Variants in PHF2 observed in about 807,000 individuals in gnomAD.
PHF2 encodes PHD finger protein 2, also known as lysine-specific demethylase PHF2.
In PHF2, 27 loss-of-function variants were observed where a neutral mutation model predicts 120.5. The observed-to-expected ratio is 0.22, with a 90% confidence interval of 0.17 to 0.31. The LOEUF is 0.31. Among genes scored for constraint, PHF2 ranks in the 10% least tolerant of loss-of-function variants. The pLI is 1.00. For missense variants in PHF2, 1,024 were observed against 1,434.8 expected (o/e 0.71, Z 4.63); for synonymous variants, 568 against 592.5 (o/e 0.96, Z 0.60).
chr9:93,675,690 C>T lies in PHF2; in HGVS notation c.2733C>T (p.Gly911=), dbSNP rs778992506. The T allele has an allele frequency of 1.2e-6, 2 of 1,611,600 alleles. No individual in the cohort carries two copies. Among genetic ancestry groups the T allele is most frequent in the Non-Finnish European group, 1.7e-6 (2 of 1,178,718 alleles). ...CCTTCTTTTCCACAGCAAGGGTCGG[C>T]CCATCGGTGCCAAGACAGGACAGGC... ...DAPYSPTARV[G]PSVPRQDRPV... The change falls in exon 20 of 22, where the codon GGC becomes GGT. Residue 911 remains glycine, a synonymous_variant. Coordinates refer to ENST00000359246, the MANE Select transcript of PHF2 (RefSeq NM_005392.4).
At chr9:93,669,566 C>T (rs1216780026) in intron 17 of PHF2, among the ~76,000 whole-genome samples, 3 of 152,218 alleles carry the variant, frequency 2.0e-5, no homozygotes, top group Non-Finnish European at 4.4e-5. Flanking sequence ...CAAAATGCAA[C>T]GCAGTCCAGT....
intron 6 of PHF2, 93 bp downstream of exon 6, chr9:93,653,458 G>A (rs1826403510): frequency 8.2e-6 from 11 of 1,337,602 alleles, no homozygotes; most frequent in Non-Finnish European, 1.1e-5. Context: ...GATTGGCCAG[G>A]ATGCGACTCC....
chr9:93,647,756 G>C (rs1242869969), intron 4 of PHF2, among the ~76,000 whole-genome samples: 2 of 152,172 alleles, frequency 1.3e-5, no homozygotes, highest in African/African-American at 4.8e-5. Flanking sequence ...CAGGTGTGGT[G>C]GTGGCACCTG....
intron 1 of PHF2, among the ~76,000 whole-genome samples, chr9:93,628,708 C>A (rs182577089): frequency 6.6e-6 from 1 of 152,248 alleles, no homozygotes; most frequent in Admixed American, 6.5e-5. Context: ...GGGAATGTCC[C>A]TTTTTAAATT....
chr9:93,619,323 G>A (rs902904906), intron 1 of PHF2, among the ~76,000 whole-genome samples: 8 of 152,218 alleles, frequency 5.3e-5, no homozygotes, highest in African/African-American at 1.9e-4. Flanking sequence ...TAGGGACCAG[G>A]CGACTTGATC....
Position 93,660,371 on chromosome 9 carries a change from C to A in PHF2, c.1509C>A (p.Ser503=). The A allele has an allele frequency of 6.4e-7, 1 of 1,570,642 alleles. No individual in the cohort carries two copies. Among genetic ancestry groups the A allele is most frequent in the African/African-American group, 1.4e-5 (1 of 73,946 alleles). Residue 503 remains serine, a synonymous_variant, in exon 12 of 22, where the codon TCC becomes TCA. Coordinates refer to ENST00000359246, the MANE Select transcript of PHF2 (RefSeq NM_005392.4). ...TPKTVKMPKP[S]KIPKPPKPPK... Reference sequence around the variant, plus strand: ...AAACTGTGAAGATGCCCAAGCCATCCAAAATCCCCAAGCCCCCGAAGCCCC... The same window carrying A: ...AAACTGTGAAGATGCCCAAGCCATCAAAAATCCCCAAGCCCCCGAAGCCCC...
chr9:93,646,700 A>G (rs1026267928), intron 4 of PHF2, among the ~76,000 whole-genome samples: 40 of 152,216 alleles, frequency 2.6e-4, no homozygotes, highest in African/African-American at 9.4e-4. Flanking sequence ...GGAGGCCATC[A>G]AGTTCAATTT....
chr9:93,652,785 G>A (rs115439609), intron 5 of PHF2, among the ~76,000 whole-genome samples: 3,093 of 152,264 alleles, frequency 0.02, 105 homozygotes, highest in African/African-American at 0.07. Flanking sequence ...TCCAGGTGAC[G>A]CCAGAGGTGC....
rs950787020 is a variant in PHF2 at position 93,667,119 on chromosome 9, A to G, written c.2227A>G (p.Thr743Ala). 1 of 1,613,198 alleles carries G rather than the reference A, an allele frequency of 6.2e-7. No individual in the cohort carries two copies. Among genetic ancestry groups the G allele is most frequent in the Non-Finnish European group, 8.5e-7 (1 of 1,179,982 alleles). Residue 743 changes from threonine (T) to alanine (A), a missense_variant, in exon 17 of 22, where the codon ACA (threonine) becomes GCA (alanine). Physicochemically the swap from Thr to Ala is moderately conservative, Grantham distance 58. This residue lies in a region of PHF2 where 677 missense variants were observed against 857.4 expected (regional missense o/e 0.79). Coordinates refer to ENST00000359246, the MANE Select transcript of PHF2 (RefSeq NM_005392.4). ...SSDEGSLHID[T>A]DTKPGRNARV... ...GGACGAGGGTTCGCTGCACATCGAC[A>G]CAGACACCAAGCCCGGCCGCAATGC... is the stretch of plus-strand genomic sequence containing the variant.
At chr9:93,631,634 A>G (rs188871141) in intron 2 of PHF2, among the ~76,000 whole-genome samples, 1 of 152,314 alleles carries the variant, frequency 6.6e-6, no homozygotes, top group African/African-American at 2.4e-5. Flanking sequence ...CTCAGGGCCA[A>G]GCTGTCTTTA....
intron 3 of PHF2, 53 bp downstream of exon 3, chr9:93,636,578 C>G: frequency 8.2e-7 from 1 of 1,216,386 alleles, no homozygotes. Context: ...GATGCACACT[C>G]TCTCCGTCCC....
rs1404805344 is a variant in PHF2, at chr9:93,630,051, C to T, written c.180C>T (p.Ser60=). The change falls in exon 2 of 22, where the codon TCC becomes TCT. Residue 60 remains serine, a synonymous_variant. Coordinates refer to ENST00000359246, the MANE Select transcript of PHF2 (RefSeq NM_005392.4). ...ACTGTGAGAAAACCCATGGGAAGTC[C>T]ACCTGTAAGTACCGCAGCCCAAGCG... ...CPNCEKTHGK[S]TLKKKRTWHK... 6.2e-7 allele frequency: 1 copy of T among 1,612,982 alleles called. No homozygotes were observed. The highest frequency in any genetic ancestry group is 8.5e-7 in the Non-Finnish European group (1 of 1,179,964).
At chr9:93,580,357 G>T (rs1349559184) in intron 1 of PHF2, among the ~76,000 whole-genome samples, 1 of 152,154 alleles carries the variant, frequency 6.6e-6, no homozygotes, top group Non-Finnish European at 1.5e-5. Context: ...GGGATGTGTC[G>T]CTCTGCACCG....
intron 1 of PHF2, among the ~76,000 whole-genome samples, chr9:93,606,834 T>C (rs182759724): frequency 5.3e-5 from 8 of 152,332 alleles, no homozygotes; most frequent in Admixed American, 1.3e-4. Context: ...GTTTGCATTT[T>C]ACATTTAGGT....
intron 14 of PHF2, among the ~76,000 whole-genome samples, chr9:93,664,874 C>T (rs1004315907): frequency 2.4e-4 from 37 of 152,362 alleles, no homozygotes; most frequent in Middle Eastern, 3.4e-3. Context: ...GCGGGCTCGC[C>T]GCCCCTTCAC....
chr9:93,615,763 G>T (rs913407628), intron 1 of PHF2, among the ~76,000 whole-genome samples: 3 of 152,112 alleles, frequency 2.0e-5, no homozygotes, highest in African/African-American at 7.2e-5. Flanking sequence ...TGAGACACCT[G>T]GGGGACTCCA....
At chr9:93,669,589 G>A (rs974660014) in intron 17 of PHF2, among the ~76,000 whole-genome samples, 1 of 152,254 alleles carries the variant, frequency 6.6e-6, no homozygotes, top group African/African-American at 2.4e-5. Flanking sequence ...GTCTCAGACA[G>A]GGCCTGGGAG....
intron 12 of PHF2, among the ~76,000 whole-genome samples, chr9:93,662,515 AATGGATGGATGGGTGGGCGGATGGATGG>A (rs1826589974): frequency 1.3e-5 from 2 of 148,250 alleles, no homozygotes; most frequent in Non-Finnish European, 1.5e-5. Flanking sequence ...GGGATGAACG[AATGGATGGATGGGTGGGCGGATGGATGG>A]ATGGATGGAT....
intron 1 of PHF2, among the ~76,000 whole-genome samples, chr9:93,579,500 A>G (rs1209580061): frequency 1.3e-5 from 2 of 152,142 alleles, no homozygotes; most frequent in Non-Finnish European, 2.9e-5. Flanking sequence ...ATTCAAATGT[A>G]TTTAACCAGT....
Sources: allele counts gnomAD v4.1 joint callset (sites outside exome capture counted in the v4.1 genomes callset), GRCh38; gene constraint gnomAD v4.1.1; regional missense constraint gnomAD v4.1.1; transcripts MANE v1.5; gene names NCBI Gene and HGNC (gene_info 2026-07-23, HGNC 2026-07-21).